Variants in PRKAR2B observed in about 807,000 individuals in gnomAD.
PRKAR2B encodes cAMP-dependent protein kinase type II-beta regulatory subunit.
A neutral mutation model predicts 49.9 loss-of-function variants in PRKAR2B; 14 were observed. The observed-to-expected ratio is 0.28, with a 90% confidence interval of 0.19 to 0.44. The LOEUF (loss-of-function observed/expected upper bound fraction) is 0.44. Among genes scored for constraint, PRKAR2B ranks in the 20% least tolerant of loss-of-function variants. The pLI, the probability that PRKAR2B is intolerant of heterozygous loss-of-function variation, is 1.00. For synonymous variants in PRKAR2B, 196 were observed against 197.7 expected, an observed-to-expected ratio of 0.99 and a Z score of 0.07; for missense variants, 393 against 537.9, an observed-to-expected ratio of 0.73 and a Z score of 2.67.
chr7:107,096,235 G>T (rs778399421), intron 2 of PRKAR2B, among the ~76,000 whole-genome samples: 3 of 152,182 alleles, frequency 2.0e-5, no homozygotes, highest in Non-Finnish European at 2.9e-5. Flanking sequence ...GTCCTGGGAG[G>T]ATGTATGTGT....
intron 3 of PRKAR2B, among the ~76,000 whole-genome samples, chr7:107,124,795 T>A (rs949609309): frequency 5.3e-5 from 8 of 152,068 alleles, no homozygotes; most frequent in African/African-American, 1.9e-4. Context: ...TTTTTTTTTT[T>A]AATGGAAAGG....
At chr7:107,075,553 C>A (rs1422027664) in intron 2 of PRKAR2B, among the ~76,000 whole-genome samples, 1 of 152,046 alleles carries the variant, frequency 6.6e-6, no homozygotes, top group African/African-American at 2.4e-5. Flanking sequence ...GTGTGCACCA[C>A]AATGCCTAGC....
intron 5 of PRKAR2B, among the ~76,000 whole-genome samples, chr7:107,141,327 T>C (rs1795786706): frequency 1.3e-5 from 2 of 152,368 alleles, no homozygotes; most frequent in South Asian, 4.1e-4. Flanking sequence ...TAATTCACAG[T>C]AGACCTCAAT....
intron 2 of PRKAR2B, among the ~76,000 whole-genome samples, chr7:107,071,446 T>C (rs531895207): frequency 8.5e-5 from 13 of 152,358 alleles, no homozygotes; most frequent in African/African-American, 2.6e-4. Flanking sequence ...AAGGCGTGTT[T>C]ATTTTAAATG....
intron 4 of PRKAR2B, among the ~76,000 whole-genome samples, 185 bp from the exon 5 acceptor site, chr7:107,140,662 G>C (rs1795775496): frequency 1.3e-5 from 2 of 152,132 alleles, no homozygotes; most frequent in South Asian, 4.1e-4. Context: ...CTGAATGTGA[G>C]AGTATATAAT....
rs966420911 is a variant in PRKAR2B, at chr7:107,089,858, T to C, written c.343+19542T>C. 5.4e-4 allele frequency among the ~76,000 whole-genome samples: 82 copies of C among 152,350 alleles called. 1 individual carries two copies. Among genetic ancestry groups the C allele is most frequent in the Admixed American group, 3.9e-3 (59 of 15,302 alleles). On this transcript the variant is annotated intron_variant, in intron 2 of 10. Transcript: ENST00000265717. ...TGGACACTCCTTTCAGAACCACACA[T>C]GATCCCTGAGTTATGTATCACCCAT...
rs571374642 is a variant in PRKAR2B at position 107,157,921 on chromosome 7, A to G, written c.1123+597A>G. Among the ~76,000 whole-genome samples the G allele has an allele frequency of 5.9e-5, 9 of 152,332 alleles. No homozygotes were observed. The South Asian group carries it at 1.7e-3, about 28-fold the overall frequency. ...AGAAAATACAGTTTAGAAGGTGGCAATATGGAGGGTATTTTAAGAAAATTG... is the reference window on the plus strand; with the variant it reads ...AGAAAATACAGTTTAGAAGGTGGCAGTATGGAGGGTATTTTAAGAAAATTG... On this transcript the variant is annotated intron_variant, in intron 10 of 10. Coordinates refer to ENST00000265717, the MANE Select transcript of PRKAR2B (RefSeq NM_002736.3).
chr7:107,094,858 T>C (rs566050493), intron 2 of PRKAR2B, among the ~76,000 whole-genome samples: 1 of 152,334 alleles, frequency 6.6e-6, no homozygotes, highest in South Asian at 2.1e-4. Flanking sequence ...TTCTGTTCCA[T>C]TGATCTATAT....
In PRKAR2B at chr7:107,132,582, A is replaced by G. The variant is rs564400601; in HGVS notation, c.480+4287A>G. ...ACAGAAAAGAATGGTTTCACAAAAA[A>G]GGGTTAACAGAACTTGGTACTTGGT... On this transcript the variant is annotated intron_variant, in intron 4 of 10. Transcript: ENST00000265717. Among the ~76,000 whole-genome samples the G allele has an allele frequency of 1.6e-4, 24 of 152,274 alleles. 1 individual carries two copies. The South Asian group carries it at 5.0e-3, about 32-fold the overall frequency.
At chr7:107,149,084 T>G (rs1795940936) in intron 6 of PRKAR2B, among the ~76,000 whole-genome samples, 1 of 152,232 alleles carries the variant, frequency 6.6e-6, no homozygotes, top group African/African-American at 2.4e-5. Flanking sequence ...CAGAATCACT[T>G]TGGGAGCATT....
chr7:107,095,410 G>A (rs148703700), intron 2 of PRKAR2B, among the ~76,000 whole-genome samples: 6,916 of 152,190 alleles, frequency 0.045, 199 homozygotes, highest in African/African-American at 0.064. Context: ...GGGCTGAGAC[G>A]ATGTGGTTTT....
intron 2 of PRKAR2B, among the ~76,000 whole-genome samples, chr7:107,107,314 G>A (rs1215253044): frequency 6.6e-6 from 1 of 151,920 alleles, no homozygotes; most frequent in Non-Finnish European, 1.5e-5. Flanking sequence ...TCCAGCCTGG[G>A]CGACAGAGTG....
intron 10 of PRKAR2B, among the ~76,000 whole-genome samples, chr7:107,158,027 T>A (rs900039851): frequency 1.3e-5 from 2 of 152,228 alleles, no homozygotes; most frequent in Admixed American, 1.3e-4. Context: ...TTTGCAAGGA[T>A]CCTTAGAATT....
At chr7:107,045,392 C>T (rs542030608) in intron 1 of PRKAR2B, among the ~76,000 whole-genome samples, 178 bp downstream of exon 1, 1 of 152,318 alleles carries the variant, frequency 6.6e-6, no homozygotes, top group African/African-American at 2.4e-5. Flanking sequence ...TCCCACTCGC[C>T]CACCTTCCTA....
At chr7:107,127,728 C>T (rs1795524495) in intron 3 of PRKAR2B, among the ~76,000 whole-genome samples, 1 of 152,222 alleles carries the variant, frequency 6.6e-6, no homozygotes, top group African/African-American at 2.4e-5. Flanking sequence ...TACATTTAAA[C>T]ATTTTACTTC....
At position 107,078,418 on chromosome 7, in the gene PRKAR2B, AG is replaced by A. The variant is rs561607834; in HGVS notation, c.343+8104del. Among the ~76,000 whole-genome samples the A allele has an allele frequency of 4.3e-3, 660 of 152,070 alleles. 3 individuals are homozygous for A. Among genetic ancestry groups the A allele is most frequent in the Middle Eastern group, 0.017 (5 of 294 alleles). ...TGGAAGGTGGGACTGGGACCTAAGG[AG>A]GTTCTCTGAGATGCCAGGGCACAGG... On this transcript the variant is annotated intron_variant, in intron 2 of 10. Transcript: ENST00000265717.
chr7:107,062,411 TA>T (rs1794042468), intron 1 of PRKAR2B, among the ~76,000 whole-genome samples: 1 of 152,278 alleles, frequency 6.6e-6, no homozygotes, highest in African/African-American at 2.4e-5. Flanking sequence ...TGGAGATATA[TA>T]TATTGTGGTA....
chr7:107,080,408 A>G (rs1196464621), intron 2 of PRKAR2B, among the ~76,000 whole-genome samples: 1 of 152,178 alleles, frequency 6.6e-6, no homozygotes, highest in Non-Finnish European at 1.5e-5. Context: ...GGACAGAAGG[A>G]AGCCACAGAG....
chr7:107,155,163 T>G (rs1161602104), intron 8 of PRKAR2B, among the ~76,000 whole-genome samples: 1 of 152,204 alleles, frequency 6.6e-6, no homozygotes, highest in Non-Finnish European at 1.5e-5. Context: ...TTTCCAACTA[T>G]GTATGCTGTT....
Sources: gnomAD v4.1 joint callset for allele counts (sites outside exome capture counted in the v4.1 genomes callset) on GRCh38, gnomAD v4.1.1 for gene constraint, MANE v1.5 for transcripts, NCBI Gene and HGNC (gene_info 2026-07-23, HGNC 2026-07-21) for gene names.